Variants in ZDHHC23 observed in about 807,000 individuals in gnomAD.
ZDHHC23 encodes palmitoyltransferase ZDHHC23.
Under a neutral mutation model 40.2 loss-of-function variants are expected in ZDHHC23, and 41 were observed. The observed-to-expected ratio is 1.02, with a 90% CI of 0.79 to 1.32. The LOEUF (loss-of-function observed/expected upper bound fraction) is 1.32, where lower values mean the gene tolerates loss of function less well. Among genes scored for constraint, ZDHHC23 ranks in the 40% most tolerant of loss-of-function variants. The probability of loss-of-function intolerance (pLI) is 0.00; values close to 1 mark genes in which losing one functional copy is unlikely to be tolerated. For missense variants in ZDHHC23, 471 were observed against 541.5 expected, an observed-to-expected ratio of 0.87 and a Z score of 1.29; for synonymous variants, 204 against 210.2, an observed-to-expected ratio of 0.97 and a Z score of 0.26.
chr3:113,951,866 G>A lies in ZDHHC23; in HGVS notation c.162-1834G>A, dbSNP rs368637013. On this transcript the variant is annotated intron_variant, in intron 2 of 4. Transcript: ENST00000638807. Reference sequence around the variant, plus strand: ...AAATTATTTCTCTTTGGCTGGGCGCGGTGACTCACACCTGTAATCCCAGCA... The same window carrying A: ...AAATTATTTCTCTTTGGCTGGGCGCAGTGACTCACACCTGTAATCCCAGCA... 1.4e-4 allele frequency among the ~76,000 whole-genome samples: 21 copies of A among 152,210 alleles called. No individual in the cohort carries two copies. The South Asian group carries it at 4.1e-3, about 30-fold the overall frequency.
Position 113,959,023 on chromosome 3 carries a change from C to T in ZDHHC23, c.*393C>T. ...ATGTGACCCCTAGCTGAGTCACTTT[C>T]CCAAGTCTCAGGGTCATCTGCAAAG... On this transcript the variant is annotated 3_prime_UTR_variant, in exon 5 of 5. Transcript: ENST00000638807. 2 of 1,100,080 alleles carry T rather than the reference C, an allele frequency of 1.8e-6. No individual in the cohort carries two copies. Among genetic ancestry groups the T allele is most frequent in the Non-Finnish European group, 2.3e-6 (2 of 863,772 alleles). 68.1% of individuals were successfully genotyped at this position (1,100,080 alleles called of 1,614,324 possible).
In ZDHHC23 at chr3:113,962,052, A is replaced by G. The variant is rs1939716863; in HGVS notation, c.*3422A>G. 1 of 152,620 alleles carries G rather than the reference A, an allele frequency of 6.6e-6. No homozygotes were observed. Among genetic ancestry groups the G allele is most frequent in the Admixed American group, 6.5e-5 (1 of 15,274 alleles). The allele number at this position is 152,620 out of a possible 1,614,324, so 9.5% of individuals were successfully genotyped here. On this transcript the variant is annotated 3_prime_UTR_variant, in exon 5 of 5. Coordinates refer to ENST00000638807, the MANE Select transcript of ZDHHC23 (RefSeq NM_001320466.2). ...ATATTCTGGTACCTTCCATTTTGAA[A>G]AGTAGAGGTTGCTTAAGCAAGCAAT...
At chr3:113,979,067 A>C in the ZDHHC23 span, 4 of 1,498,332 alleles carry the variant, frequency 2.7e-6, no homozygotes, top group Non-Finnish European at 3.7e-6. Context: ...CATTTAAACA[A>C]ACACATCACC....
chr3:113,963,306 T>G lies in ZDHHC23; in HGVS notation c.*4676T>G, dbSNP rs1276856687. Reference sequence around the variant, plus strand: ...TAGCTGGCGCCATTGGAATATGGGCTGCTAAAGACTCAATTTCTAGTTGAT... The same window carrying G: ...TAGCTGGCGCCATTGGAATATGGGCGGCTAAAGACTCAATTTCTAGTTGAT... On this transcript the variant is annotated 3_prime_UTR_variant, in exon 5 of 5. Coordinates refer to ENST00000638807, the MANE Select transcript of ZDHHC23 (RefSeq NM_001320466.2). 6.6e-6 allele frequency: 1 copy of G among 152,166 alleles called. No homozygotes were observed. Among genetic ancestry groups the G allele is most frequent in the Non-Finnish European group, 1.5e-5 (1 of 68,024 alleles). 9.4% of individuals were successfully genotyped at this position (152,166 alleles called of 1,614,324 possible).
At position 113,960,805 on chromosome 3, in the gene ZDHHC23, C is replaced by G; in HGVS notation, c.*2175C>G. 4.7e-6 allele frequency: 7 copies of G among 1,496,128 alleles called. No homozygotes were observed. The highest frequency in any genetic ancestry group is 6.2e-6 in the Non-Finnish European group (7 of 1,130,476). The allele number at this position is 1,496,128 out of a possible 1,614,324, so 92.7% of individuals were successfully genotyped here. On this transcript the variant is annotated 3_prime_UTR_variant, in exon 5 of 5. Transcript: ENST00000638807. Reference sequence around the variant, plus strand: ...ATTCAGGTTTATTGGCACGAAGATACTTGTTTTAAGTTCCTTGAGAACCCA... The same window carrying G: ...ATTCAGGTTTATTGGCACGAAGATAGTTGTTTTAAGTTCCTTGAGAACCCA...
chr3:113,951,234 C>A (rs1024006278), intron 2 of ZDHHC23, among the ~76,000 whole-genome samples: 5 of 152,132 alleles, frequency 3.3e-5, no homozygotes, highest in African/African-American at 1.2e-4. Flanking sequence ...AGTGGCCCCA[C>A]CACAATGACA....
At chr3:113,972,520 A>G in the ZDHHC23 span, among the ~76,000 whole-genome samples, 2 of 152,132 alleles carry the variant, frequency 1.3e-5, no homozygotes, top group East Asian at 1.9e-4. Flanking sequence ...AGGATGTTCC[A>G]TGTGCTGATA....
At position 113,956,465 on chromosome 3, in the gene ZDHHC23, C is replaced by G. The variant is rs760941891; in HGVS notation, c.999C>G (p.Phe333Leu). The stretch of plus-strand genomic sequence containing the variant: ...CCATTTGTAGAGACAGAAGTGTCTT[C>G]ACAGCTCTTTTCTATTGTCCTGGAG... ...LDTICRDRSV[F>L]TALFYCPGVY... The change falls in exon 4 of 5, where the codon TTC (phenylalanine) becomes TTG (leucine). Residue 333 changes from phenylalanine to leucine, a missense_variant. Transcript: ENST00000638807. 5 of 1,614,046 alleles carry G rather than the reference C, an allele frequency of 3.1e-6. No individual in the cohort carries two copies. The Admixed American group carries it at 8.3e-5, about 27-fold the overall frequency.
downstream of ZDHHC23, among the ~76,000 whole-genome samples, chr3:113,970,235 C>G (rs117105599): frequency 2.0e-5 from 3 of 152,184 alleles, no homozygotes; most frequent in East Asian, 5.8e-4. Context: ...TTTGTCAGAT[C>G]TAACAGTTTT....
chr3:113,951,043 G>T (rs1037726562), intron 2 of ZDHHC23, among the ~76,000 whole-genome samples: 1 of 152,210 alleles, frequency 6.6e-6, no homozygotes, highest in African/African-American at 2.4e-5. Flanking sequence ...GGCTCTGGGT[G>T]TCCCCGCCAC....
downstream of ZDHHC23, among the ~76,000 whole-genome samples, chr3:113,970,172 ATGC>A (rs1309095612): frequency 2.6e-5 from 4 of 152,158 alleles, no homozygotes; most frequent in East Asian, 7.7e-4. Flanking sequence ...ATATTAATAA[ATGC>A]TGCTGATTTT....
chr3:113,971,514 C>T, the ZDHHC23 span, among the ~76,000 whole-genome samples: 1 of 152,176 alleles, frequency 6.6e-6, no homozygotes, highest in Non-Finnish European at 1.5e-5. Flanking sequence ...ATCCTTGGAT[C>T]CCTGGGATAA....
downstream of ZDHHC23, among the ~76,000 whole-genome samples, chr3:113,963,814 G>C (rs1270611229): frequency 6.6e-6 from 1 of 152,122 alleles, no homozygotes; most frequent in Non-Finnish European, 1.5e-5. Context: ...ATATCAGCCA[G>C]TATTTTGTAA....
At chr3:113,950,844 A>C (rs1314394648) in intron 2 of ZDHHC23, among the ~76,000 whole-genome samples, 2 of 152,224 alleles carry the variant, frequency 1.3e-5, no homozygotes, top group African/African-American at 2.4e-5. Context: ...GTGCTTCCAC[A>C]ATACGATGGT....
At position 113,959,943 on chromosome 3, in the gene ZDHHC23, A is replaced by G. The variant is rs1939571660; in HGVS notation, c.*1313A>G. 3.0e-6 allele frequency: 3 copies of G among 996,204 alleles called. No individual in the cohort carries two copies. Among genetic ancestry groups the G allele is most frequent in the African/African-American group, 1.7e-5 (1 of 57,792 alleles). 61.7% of individuals were successfully genotyped at this position (996,204 alleles called of 1,614,324 possible). On this transcript the variant is annotated 3_prime_UTR_variant, in exon 5 of 5. Coordinates refer to ENST00000638807, the MANE Select transcript of ZDHHC23 (RefSeq NM_001320466.2). Reference sequence around the variant, plus strand: ...ATAAAAGATTAAATATTTATGTACAATGGGTTGTTCTACTATAGAATTAAG... The same window carrying G: ...ATAAAAGATTAAATATTTATGTACAGTGGGTTGTTCTACTATAGAATTAAG...
In ZDHHC23 at chr3:113,948,299, A is replaced by G. The variant is rs373331226; in HGVS notation, c.-118+109A>G. ...GGCGCACCCTGCAAGGGGCCCGACC[A>G]GTTGGGCTGGACCGCGACCCCTGAG... On this transcript the variant is annotated intron_variant, in intron 1 of 4. Coordinates refer to ENST00000638807, the MANE Select transcript of ZDHHC23 (RefSeq NM_001320466.2). 3.5e-3 allele frequency: 542 copies of G among 154,286 alleles called. 37 individuals are homozygous for G. In the South Asian group the frequency reaches 0.092, roughly 26 times the overall value. 9.6% of individuals were successfully genotyped at this position (154,286 alleles called of 1,614,324 possible). A position where few individuals can be genotyped will look rare whatever the true frequency, so the allele number is the denominator to read the frequency against.
At chr3:113,949,067 C>A in intron 2 of ZDHHC23, 104 bp downstream of exon 2, 1 of 1,454,594 alleles carries the variant, frequency 6.9e-7, no homozygotes, top group Non-Finnish European at 9.3e-7. Context: ...GCTCTTGATT[C>A]TATTTCCAAG....
Position 113,948,826 on chromosome 3 carries a change from GC to G in ZDHHC23, c.26del (p.Pro9LeufsTer2). ...TCATGACACAGAAGGGCAGTATGAA[GC>G]CTGTGAAGAAAAAGAAAACCGAAGA... is the stretch of plus-strand genomic sequence containing the variant. Reference protein sequence around the residue: MTQKGSMKPVKKKKTEEPE... With the variant: MTQKGSMKXVKKKKTEEPE... On this transcript the variant is annotated frameshift_variant, in exon 2 of 5. Coordinates refer to ENST00000638807, the MANE Select transcript of ZDHHC23 (RefSeq NM_001320466.2). LOFTEE classifies it high-confidence loss of function. The G allele has an allele frequency of 6.2e-7, 1 of 1,614,154 alleles. No individual in the cohort carries two copies. The highest frequency in any genetic ancestry group is 8.5e-7 in the Non-Finnish European group (1 of 1,180,030).
rs968768281 is a variant in ZDHHC23 at position 113,954,485 on chromosome 3, T to C, written c.872+75T>C. 3 of 1,375,258 alleles carry C rather than the reference T, an allele frequency of 2.2e-6. No individual in the cohort carries two copies. The African/African-American group carries it at 4.4e-5, about 20-fold the overall frequency. The allele number at this position is 1,375,258 out of a possible 1,614,324, so 85.2% of individuals were successfully genotyped here. A position where few individuals can be genotyped will look rare whatever the true frequency, so the allele number is the denominator to read the frequency against. On this transcript the variant is annotated intron_variant, in intron 3 of 4. Transcript: ENST00000638807. ...TCTAGTTACATTTTATCTTCCCTTG[T>C]GCTATCCCAAAATTTCTCTCCTTCC... is the stretch of plus-strand genomic sequence containing the variant.
Sources: allele counts gnomAD v4.1 joint callset (sites outside exome capture counted in the v4.1 genomes callset), GRCh38; gene constraint gnomAD v4.1.1; transcripts MANE v1.5; gene names NCBI Gene and HGNC (gene_info 2026-07-23, HGNC 2026-07-21).